Variants in ARFGEF3 observed in about 807,000 individuals in gnomAD.
ARFGEF3 encodes the protein brefeldin A-inhibited guanine nucleotide-exchange protein 3.
Under a neutral mutation model 221.7 loss-of-function variants are expected in ARFGEF3, and 96 were observed. The observed-to-expected ratio is 0.43, with a 90% CI of 0.37 to 0.51. The LOEUF (loss-of-function observed/expected upper bound fraction) is 0.51, where lower values mean the gene tolerates loss of function less well. Among genes scored for constraint, ARFGEF3 ranks in the 20% least tolerant of loss-of-function variants. ARFGEF3 has a pLI of 0.00. For synonymous variants in ARFGEF3, 1,145 were observed against 1,126.8 expected, an observed-to-expected ratio of 1.02 and a Z score of -0.32; for missense variants, 2,410 against 2,789.9, an observed-to-expected ratio of 0.86 and a Z score of 3.07.
chr6:138,265,811 T>C (rs1009241083), intron 12 of ARFGEF3, among the ~76,000 whole-genome samples: 3 of 152,164 alleles, frequency 2.0e-5, no homozygotes, highest in African/African-American at 7.2e-5. Context: ...TCTTTTATTT[T>C]GTAACAGGGT....
chr6:138,336,422 G>C lies in ARFGEF3; in HGVS notation c.6470G>C (p.Arg2157Thr). Reference sequence around the variant, plus strand: ...CTGACCTGTCACGTGACCGACATCAGAGTTCGCCAGGCTGTGAGGGAGTGG... The same window carrying C: ...CTGACCTGTCACGTGACCGACATCACAGTTCGCCAGGCTGTGAGGGAGTGG... The part of the protein sequence containing the change: ...SQLTCHVTDI[R>T]VRQAVREWLG... Residue 2157 changes from arginine to threonine, a missense_variant, in exon 34 of 34, where the codon AGA (arginine) becomes ACA (threonine). This residue lies in a region of ARFGEF3 where 339 missense variants were observed against 334.9 expected (regional missense o/e 1.01). Transcript: ENST00000251691. 6.2e-7 allele frequency: 1 copy of C among 1,613,504 alleles called. No homozygotes were observed. Among genetic ancestry groups the C allele is most frequent in the South Asian group, 1.1e-5 (1 of 90,894 alleles).
chr6:138,245,061 G>A (rs1432627803), intron 7 of ARFGEF3, among the ~76,000 whole-genome samples: 1 of 152,144 alleles, frequency 6.6e-6, no homozygotes, highest in Non-Finnish European at 1.5e-5. Context: ...CAACACTTTG[G>A]GAGGCCGAGG....
At chr6:138,254,907 C>T (rs742310) in intron 9 of ARFGEF3, among the ~76,000 whole-genome samples, 7,258 of 152,202 alleles carry the variant, frequency 0.048, 248 homozygotes, top group Non-Finnish European at 0.078. Context: ...AAGCATGTAA[C>T]TTATGCAGGG....
intron 14 of ARFGEF3, 22 bp downstream of exon 14, chr6:138,280,186 C>CT: frequency 1.2e-6 from 2 of 1,611,426 alleles, no homozygotes; most frequent in South Asian, 2.2e-5. Flanking sequence ...GTTGCAAGGC[C>CT]TTGGGGCACG....
rs1228533381 is a variant in ARFGEF3, at chr6:138,255,566, C to T, written c.901C>T (p.His301Tyr). ...SDSASPGVSD[H>Y]GRGSGCSCTA... ...CTCTGCGTCTCCGGGAGTGTCTGACCACGGCCGAGGATCAGGCTGCTCCTG... is the reference window on the plus strand; with the variant it reads ...CTCTGCGTCTCCGGGAGTGTCTGACTACGGCCGAGGATCAGGCTGCTCCTG... The change falls in exon 10 of 34, where the codon CAC (histidine) becomes TAC (tyrosine). Residue 301 changes from histidine to tyrosine, a missense_variant. By Grantham distance (83) the His-to-Tyr change is moderately conservative (BLOSUM62 2). Transcript: ENST00000251691. 1.2e-6 allele frequency: 2 copies of T among 1,613,998 alleles called. No individual in the cohort carries two copies. The highest frequency in any genetic ancestry group is 8.5e-7 in the Non-Finnish European group (1 of 1,179,896).
In ARFGEF3 at chr6:138,201,001, A is replaced by T. The variant is rs148177760; in HGVS notation, c.138-6041A>T. Reference sequence around the variant, plus strand: ...TAAGAAAAAAACAATCCCATGAAAAAGTGGGCTAAGGACATGAATAGACAG... The same window carrying T: ...TAAGAAAAAAACAATCCCATGAAAATGTGGGCTAAGGACATGAATAGACAG... On this transcript the variant is annotated intron_variant, in intron 2 of 33. Coordinates refer to ENST00000251691, the MANE Select transcript of ARFGEF3 (RefSeq NM_020340.5). Among the ~76,000 whole-genome samples, 32 of 152,336 alleles carry T rather than the reference A, an allele frequency of 2.1e-4. No homozygotes were observed. In the East Asian group the frequency reaches 5.0e-3, roughly 24 times the overall value.
At chr6:138,286,396 G>T (rs1779293242) in intron 15 of ARFGEF3, among the ~76,000 whole-genome samples, 1 of 150,284 alleles carries the variant, frequency 6.7e-6, no homozygotes, top group African/African-American at 2.5e-5. Context: ...CTTTCAGTGA[G>T]CCGAGATTGT....
In ARFGEF3 at chr6:138,207,117, G is replaced by T; in HGVS notation, c.213G>T (p.Gly71=). ...NVKLAQHALA[G]MQKLLSEERF... is the part of the protein sequence containing the mutation. ...AGCTGGCCCAACATGCTTTGGCAGG[G>T]ATGCAGGTATGGCTTTGACTGAATG... is the stretch of plus-strand genomic sequence containing the variant. The change falls in exon 3 of 34, where the codon GGG becomes GGT. Residue 71 remains glycine (G), a synonymous_variant. Coordinates refer to ENST00000251691, the MANE Select transcript of ARFGEF3 (RefSeq NM_020340.5). The T allele has an allele frequency of 6.2e-7, 1 of 1,610,178 alleles. No individual in the cohort carries two copies. Among genetic ancestry groups the T allele is most frequent in the Non-Finnish European group, 8.5e-7 (1 of 1,178,260 alleles).
rs1780338828 is a variant in ARFGEF3, at chr6:138,336,998, C to T, written c.*512C>T. On this transcript the variant is annotated 3_prime_UTR_variant, in exon 34 of 34. Coordinates refer to ENST00000251691, the MANE Select transcript of ARFGEF3 (RefSeq NM_020340.5). ...GCTGGGAAGAAGACAACTATAAATA[C>T]ATATTCTTGGGTGTCATAATCAAGA... 1 of 152,610 alleles carries T rather than the reference C, an allele frequency of 6.6e-6. No individual in the cohort carries two copies. Among genetic ancestry groups the T allele is most frequent in the Non-Finnish European group, 1.5e-5 (1 of 68,048 alleles). The allele number at this position is 152,610 out of a possible 1,614,324, so 9.5% of individuals were successfully genotyped here. A position where few individuals can be genotyped will look rare whatever the true frequency, so the allele number is the denominator to read the frequency against.
In ARFGEF3 at chr6:138,344,072, T is replaced by C. The variant is rs1178556785; in HGVS notation, c.*7586T>C. 40 of 152,176 alleles carry C rather than the reference T, an allele frequency of 2.6e-4. No individual in the cohort carries two copies. The highest frequency in any genetic ancestry group is 2.6e-3 in the Admixed American group (40 of 15,278). The allele number at this position is 152,176 out of a possible 1,614,324, so 9.4% of individuals were successfully genotyped here. On this transcript the variant is annotated 3_prime_UTR_variant, in exon 34 of 34. Coordinates refer to ENST00000251691, the MANE Select transcript of ARFGEF3 (RefSeq NM_020340.5). ...TCCCGCTTTTCTAAGAGGAATAAACTTAGACAAATTACATTATAAACAGTT... is the reference window on the plus strand; with the variant it reads ...TCCCGCTTTTCTAAGAGGAATAAACCTAGACAAATTACATTATAAACAGTT...
intron 29 of ARFGEF3, among the ~76,000 whole-genome samples, chr6:138,322,055 G>T (rs755250422): frequency 2.0e-5 from 3 of 152,204 alleles, no homozygotes; most frequent in African/African-American, 4.8e-5. Context: ...GTCTCTGGGG[G>T]TGTTTCTGGA....
chr6:138,195,822 G>A (rs766817407), intron 2 of ARFGEF3, among the ~76,000 whole-genome samples: 12 of 152,194 alleles, frequency 7.9e-5, no homozygotes, highest in South Asian at 2.1e-4. Flanking sequence ...AAGAGCAGAC[G>A]CTTTCCACGG....
intron 8 of ARFGEF3, among the ~76,000 whole-genome samples, chr6:138,247,795 C>T (rs1298437988): frequency 6.6e-6 from 1 of 152,090 alleles, no homozygotes. Flanking sequence ...AAAACGCATT[C>T]ATGTTTTTGT....
Position 138,294,103 on chromosome 6 carries a change from T to C in ARFGEF3, c.3479T>C (p.Val1160Ala), listed in dbSNP as rs1156912136. 5 of 1,613,752 alleles carry C rather than the reference T, an allele frequency of 3.1e-6. No individual in the cohort carries two copies. Among genetic ancestry groups the C allele is most frequent in the Non-Finnish European group, 4.2e-6 (5 of 1,179,868 alleles). Reference sequence around the variant, plus strand: ...CTTTTCCATTCTGTTACAGATACAGTTGATTACTCTCTGGCAATGCCAGGT... The same window carrying C: ...CTTTTCCATTCTGTTACAGATACAGCTGATTACTCTCTGGCAATGCCAGGT... ...SQLFHSVTDT[V>A]DYSLAMPGEV... The change falls in exon 20 of 34, where the codon GTT (valine) becomes GCT (alanine). Residue 1160 changes from valine (V) to alanine (A), a missense_variant. This residue lies in a region of ARFGEF3 where 723 missense variants were observed against 991.9 expected (regional missense o/e 0.73). Transcript: ENST00000251691.
intron 8 of ARFGEF3, among the ~76,000 whole-genome samples, chr6:138,247,760 G>A (rs1031518914): frequency 3.3e-5 from 5 of 152,166 alleles, no homozygotes; most frequent in African/African-American, 1.2e-4. Flanking sequence ...CTATAATATT[G>A]TATAGAATAT....
In ARFGEF3 at chr6:138,242,984, C is replaced by T. The variant is rs200708423; in HGVS notation, c.576C>T (p.Phe192=). The change falls in exon 7 of 34, where the codon TTC becomes TTT. Residue 192 remains phenylalanine, a synonymous_variant. Coordinates refer to ENST00000251691, the MANE Select transcript of ARFGEF3 (RefSeq NM_020340.5). ...IIENPDVPQD[F]GNQGSTVESL... The stretch of plus-strand genomic sequence containing the variant: ...AAAACCCAGATGTCCCACAGGATTT[C>T]GGGAATCAAGGTATGGCATTTGATT... 6.2e-6 allele frequency: 10 copies of T among 1,611,834 alleles called. No individual in the cohort carries two copies. Among genetic ancestry groups the T allele is most frequent in the Middle Eastern group, 1.6e-4 (1 of 6,080 alleles).
chr6:138,297,794 C>T (rs1389726633), intron 21 of ARFGEF3, among the ~76,000 whole-genome samples: 1 of 152,126 alleles, frequency 6.6e-6, no homozygotes, highest in Non-Finnish European at 1.5e-5. Context: ...TTGAGGTAGG[C>T]TTCTCTGGGT....
intron 20 of ARFGEF3, 100 bp downstream of exon 20, chr6:138,294,226 C>G: frequency 8.0e-7 from 1 of 1,255,326 alleles, no homozygotes; most frequent in Non-Finnish European, 1.1e-6. Flanking sequence ...CTCCACATTC[C>G]CATTGCTTAC....
intron 12 of ARFGEF3, among the ~76,000 whole-genome samples, chr6:138,264,993 TC>T (rs1184366516): frequency 6.7e-6 from 1 of 150,032 alleles, no homozygotes; most frequent in African/African-American, 2.5e-5. Context: ...AAGCTCCGCC[TC>T]CCGGGTTCAT....
Sources: gnomAD v4.1 joint callset for allele counts (sites outside exome capture counted in the v4.1 genomes callset) on GRCh38, gnomAD v4.1.1 for gene constraint, gnomAD v4.1.1 regional missense constraint, MANE v1.5 for transcripts, NCBI Gene and HGNC (gene_info 2026-07-23, HGNC 2026-07-21) for gene names.